Variants in GJC2 observed in about 807,000 individuals in gnomAD.
The protein encoded by GJC2 is gap junction protein gamma 2.
For synonymous variants in GJC2, 336 were observed against 307.5 expected (o/e 1.09, Z -0.97); for missense variants, 647 against 648.9 (o/e 1.00, Z 0.03).
intron 1 of GJC2, among the ~76,000 whole-genome samples, chr1:228,155,296 G>A (rs183378408): frequency 1.1e-4 from 16 of 152,348 alleles, no homozygotes; most frequent in South Asian, 4.1e-4. Flanking sequence ...GGAGCCAGGC[G>A]TGGAATGGGG....
chr1:228,154,388 T>A (rs1440440924), intron 1 of GJC2, among the ~76,000 whole-genome samples: 1 of 152,156 alleles, frequency 6.6e-6, no homozygotes, highest in African/African-American at 2.4e-5. Flanking sequence ...TTGGGAGGAA[T>A]ACCATGGAGT....
rs533052988 is a variant in GJC2, at chr1:228,153,153, G to A, written c.-20+3146G>A. ...CTGACAGCCTCATCCTGCAGCACTA[G>A]ACAGTGCCCACCTCAGCTTGTCCCG... On this transcript the variant is annotated intron_variant, in intron 1 of 1. Coordinates refer to ENST00000366714, the MANE Select transcript of GJC2 (RefSeq NM_020435.4). Among the ~76,000 whole-genome samples, 42 of 152,034 alleles carry A rather than the reference G, an allele frequency of 2.8e-4. No homozygotes were observed. The South Asian group carries it at 8.5e-3, about 31-fold the overall frequency.
In GJC2 at chr1:228,158,044, G is replaced by C. The variant is rs1328468298; in HGVS notation, c.286G>C (p.Gly96Arg). The change falls in exon 2 of 2, where the codon GGC becomes CGC. Residue 96 changes from glycine (G) to arginine (R), a missense_variant. Transcript: ENST00000366714. This position sits in a 1 kb window ranked among gnomAD's most constrained non-coding sequence, Gnocchi z 8.3. ...CTCCACGCCCTCGGTCATGTACCTG[G>C]GCTACGCCGTGCACCGCCTGGCCCG... ...VISTPSVMYL[G>R]YAVHRLARAS... is the part of the protein sequence containing the mutation. 1 of 1,609,092 alleles carries C rather than the reference G, an allele frequency of 6.2e-7. No homozygotes were observed. The highest frequency in any genetic ancestry group is 2.2e-5 in the East Asian group (1 of 44,842).
chr1:228,154,370 G>A (rs372035440), intron 1 of GJC2, among the ~76,000 whole-genome samples: 1 of 152,208 alleles, frequency 6.6e-6, no homozygotes, highest in South Asian at 2.1e-4. Context: ...TCTTCAGGGG[G>A]ATGGGTTTTG....
Position 228,159,349 on chromosome 1 carries a change from G to A in GJC2, c.*271G>A, listed in dbSNP as rs185037318. ...TGAACCCCAGGGGGAGTGGGGCATT[G>A]ACTCCACCCCTGTCCTGAGCTGGAA... On this transcript the variant is annotated 3_prime_UTR_variant, in exon 2 of 2. Coordinates refer to ENST00000366714, the MANE Select transcript of GJC2 (RefSeq NM_020435.4). This position sits in a 1 kb window ranked among gnomAD's most constrained non-coding sequence, Gnocchi z 4.0. 8.9e-4 allele frequency: 470 copies of A among 525,302 alleles called. 1 individual carries two copies. Among genetic ancestry groups the A allele is most frequent in the African/African-American group, 8.5e-3 (425 of 50,198 alleles). The allele number at this position is 525,302 out of a possible 1,614,324, so 32.5% of individuals were successfully genotyped here. A position where few individuals can be genotyped will look rare whatever the true frequency, so the allele number is the denominator to read the frequency against.
rs898143170 is a variant in GJC2 at position 228,158,220 on chromosome 1, G to A, written c.462G>A (p.Glu154=). The change falls in exon 2 of 2, where the codon GAG becomes GAA. Residue 154 remains glutamate (E), a synonymous_variant. Transcript: ENST00000366714. This position sits in a 1 kb window ranked among gnomAD's most constrained non-coding sequence, Gnocchi z 8.3. Reference sequence around the variant, plus strand: ...CCATGCTGGGCCTGGGCGAGGAGGAGGAGGAGGAGGAGACGGGGGCAGCCG... The same window carrying A: ...CCATGCTGGGCCTGGGCGAGGAGGAAGAGGAGGAGGAGACGGGGGCAGCCG... ...EEPMLGLGEE[E]EEEETGAAEG... 43 of 1,498,926 alleles carry A rather than the reference G, an allele frequency of 2.9e-5. No homozygotes were observed. The African/African-American group carries it at 5.3e-4, about 18-fold the overall frequency. 92.9% of individuals were successfully genotyped at this position (1,498,926 alleles called of 1,614,324 possible). A position where few individuals can be genotyped will look rare whatever the true frequency, so the allele number is the denominator to read the frequency against.
rs1249284098 is a variant in GJC2, at chr1:228,152,309, G to A, written c.-20+2302G>A. Among the ~76,000 whole-genome samples, 1 of 152,136 alleles carries A rather than the reference G, an allele frequency of 6.6e-6. No homozygotes were observed. The highest frequency in any genetic ancestry group is 1.5e-5 in the Non-Finnish European group (1 of 68,018). Reference sequence around the variant, plus strand: ...CCACCCTTCGCGGCCTGCCCTGGGAGGGCCTGGAGATGGAAGGAAATACCT... The same window carrying A: ...CCACCCTTCGCGGCCTGCCCTGGGAAGGCCTGGAGATGGAAGGAAATACCT... On this transcript the variant is annotated intron_variant, in intron 1 of 1. Transcript: ENST00000366714. This position sits in a 1 kb window ranked among gnomAD's most constrained non-coding sequence, Gnocchi z 7.3.
Position 228,159,087 on chromosome 1 carries a change from G to C in GJC2, c.*9G>C. ...CCACCGTGTGGATCTGAGGGCGCTG[G>C]CTTGCGAGCTGGGCCAGGGAGGAGG... is the stretch of plus-strand genomic sequence containing the variant. On this transcript the variant is annotated 3_prime_UTR_variant, in exon 2 of 2. Transcript: ENST00000366714. This position sits in a 1 kb window ranked among gnomAD's most constrained non-coding sequence, Gnocchi z 4.0. The C allele has an allele frequency of 6.2e-7, 1 of 1,609,360 alleles. No individual in the cohort carries two copies. The highest frequency in any genetic ancestry group is 8.5e-7 in the Non-Finnish European group (1 of 1,179,138).
intron 1 of GJC2, among the ~76,000 whole-genome samples, chr1:228,157,092 G>A (rs1379648033): frequency 6.6e-6 from 1 of 152,226 alleles, no homozygotes; most frequent in Admixed American, 6.5e-5. Context: ...CCGGGGGCTG[G>A]AGGGAGGATG....
intron 1 of GJC2, among the ~76,000 whole-genome samples, chr1:228,156,556 C>G (rs1196906188): frequency 1.3e-5 from 2 of 152,246 alleles, no homozygotes; most frequent in African/African-American, 4.8e-5. Flanking sequence ...CCCAGGAACC[C>G]TGACTGCCCC....
rs1211122898 is a variant in GJC2, at chr1:228,158,145, GC to G, written c.392del (p.Pro131ArgfsTer79). On this transcript the variant is annotated frameshift_variant, in exon 2 of 2. Transcript: ENST00000366714. LOFTEE classifies it low-confidence loss of function (END_TRUNC). This position sits in a 1 kb window ranked among gnomAD's most constrained non-coding sequence, Gnocchi z 8.3. ...GCCGCGCGCCCCGAGCGCACCTGCCGCCCCCGCACGCCGGCTGGCCTGAGCC... is the reference window on the plus strand; with the variant it reads ...GCCGCGCGCCCCGAGCGCACCTGCCGCCCCGCACGCCGGCTGGCCTGAGCC... ...PRRAPRAHLP[P>X]PHAGWPEPAD... 4.6e-6 allele frequency: 6 copies of G among 1,301,910 alleles called. No individual in the cohort carries two copies. The highest frequency in any genetic ancestry group is 5.8e-6 in the Non-Finnish European group (6 of 1,027,504). The allele number at this position is 1,301,910 out of a possible 1,614,324, so 80.6% of individuals were successfully genotyped here.
chr1:228,158,175 C>T lies in GJC2; in HGVS notation c.417C>T (p.Ala139=). 3 of 1,410,184 alleles carry T rather than the reference C, an allele frequency of 2.1e-6. No individual in the cohort carries two copies. The highest frequency in any genetic ancestry group is 1.8e-6 in the Non-Finnish European group (2 of 1,086,504). The allele number at this position is 1,410,184 out of a possible 1,614,324, so 87.4% of individuals were successfully genotyped here. ...CGCACGCCGGCTGGCCTGAGCCCGC[C>T]GACCTGGGCGAGGAGGAGCCCATGC... ...PPPHAGWPEP[A]DLGEEEPMLG... The change falls in exon 2 of 2, where the codon GCC becomes GCT. Residue 139 remains alanine (A), a synonymous_variant. Coordinates refer to ENST00000366714, the MANE Select transcript of GJC2 (RefSeq NM_020435.4). This position sits in a 1 kb window ranked among gnomAD's most constrained non-coding sequence, Gnocchi z 8.3.
rs775264492 is a variant in GJC2, at chr1:228,158,909, C to G, written c.1151C>G (p.Pro384Arg). Reference sequence around the variant, plus strand: ...GGCCTCCCTGCGGCCTCCCGGGGGCCCCCCAGAGCAGGCGCCCCCGCGTCC... The same window carrying G: ...GGCCTCCCTGCGGCCTCCCGGGGGCGCCCCAGAGCAGGCGCCCCCGCGTCC... ...CVGLPAASRGPPRAGAPASRT... is the reference protein window; with the variant it reads ...CVGLPAASRGRPRAGAPASRT... Residue 384 changes from proline to arginine, a missense_variant, in exon 2 of 2, where the codon CCC becomes CGC. Pro to Arg is a moderately radical substitution (Grantham distance 103, BLOSUM62 -2). Transcript: ENST00000366714. This position sits in a 1 kb window ranked among gnomAD's most constrained non-coding sequence, Gnocchi z 8.3. 1 of 1,491,854 alleles carries G rather than the reference C, an allele frequency of 6.7e-7. No individual in the cohort carries two copies. Among genetic ancestry groups the G allele is most frequent in the Admixed American group, 2.4e-5 (1 of 42,498 alleles). The allele number at this position is 1,491,854 out of a possible 1,614,324, so 92.4% of individuals were successfully genotyped here.
Position 228,157,741 on chromosome 1 carries a change from A to AGGCCCCCC in GJC2, c.-18_-17insGGCCCCCC. 5 of 354,470 alleles carry AGGCCCCCC rather than the reference A, an allele frequency of 1.4e-5. No homozygotes were observed. The highest frequency in any genetic ancestry group is 2.3e-5 in the Non-Finnish European group (4 of 177,092). 22.0% of individuals were successfully genotyped at this position (354,470 alleles called of 1,614,324 possible). A position where few individuals can be genotyped will look rare whatever the true frequency, so the allele number is the denominator to read the frequency against. The stretch of plus-strand genomic sequence containing the variant: ...GCTGACCCCTACCCCGCCCCACAGG[A>AGGCCCCCC]CCCGCCCGCCCGCCCCTATGACCAA... On this transcript the variant is annotated splice_region_variant and 5_prime_UTR_variant, in exon 2 of 2. Coordinates refer to ENST00000366714, the MANE Select transcript of GJC2 (RefSeq NM_020435.4).
At position 228,158,244 on chromosome 1, in the gene GJC2, C is replaced by G. The variant is rs1260532478; in HGVS notation, c.486C>G (p.Ala162=). 6.6e-7 allele frequency: 1 copy of G among 1,510,620 alleles called. No homozygotes were observed. Among genetic ancestry groups the G allele is most frequent in the Non-Finnish European group, 8.8e-7 (1 of 1,133,254 alleles). 93.6% of individuals were successfully genotyped at this position (1,510,620 alleles called of 1,614,324 possible). The change falls in exon 2 of 2, where the codon GCC becomes GCG. Residue 162 remains alanine (A), a synonymous_variant. Coordinates refer to ENST00000366714, the MANE Select transcript of GJC2 (RefSeq NM_020435.4). This position sits in a 1 kb window ranked among gnomAD's most constrained non-coding sequence, Gnocchi z 8.3. The part of the protein sequence containing the change: ...EEEEEEETGA[A]EGAGEEAEEA... Reference sequence around the variant, plus strand: ...AGGAGGAGGAGGAGACGGGGGCAGCCGAGGGCGCCGGCGAGGAAGCGGAGG... The same window carrying G: ...AGGAGGAGGAGGAGACGGGGGCAGCGGAGGGCGCCGGCGAGGAAGCGGAGG...
chr1:228,158,265 G>T lies in GJC2; in HGVS notation c.507G>T (p.Ala169=). ...CAGCCGAGGGCGCCGGCGAGGAAGC[G>T]GAGGAGGCAGGCGCGGAGGAGGCGT... ...TGAAEGAGEE[A]EEAGAEEACT... Residue 169 remains alanine, a synonymous_variant, in exon 2 of 2, where the codon GCG becomes GCT. Coordinates refer to ENST00000366714, the MANE Select transcript of GJC2 (RefSeq NM_020435.4). The surrounding 1 kb of genome is among the most constrained non-coding windows in gnomAD (Gnocchi z 8.3). 2.0e-6 allele frequency: 3 copies of T among 1,522,148 alleles called. No homozygotes were observed. Among genetic ancestry groups the T allele is most frequent in the Non-Finnish European group, 2.6e-6 (3 of 1,137,498 alleles). 94.3% of individuals were successfully genotyped at this position (1,522,148 alleles called of 1,614,324 possible).
At position 228,158,619 on chromosome 1, in the gene GJC2, C is replaced by T. The variant is rs2034722282; in HGVS notation, c.861C>T (p.Ala287=). The change falls in exon 2 of 2, where the codon GCC becomes GCT. Residue 287 remains alanine, a synonymous_variant. Coordinates refer to ENST00000366714, the MANE Select transcript of GJC2 (RefSeq NM_020435.4). The surrounding 1 kb of genome is among the most constrained non-coding windows in gnomAD (Gnocchi z 8.3). ...TGCTGCTCAACCTCTGTGAGATGGC[C>T]CACCTGGGCTTGGGCAGCGCGCAGG... ...LCLLLNLCEM[A]HLGLGSAQDA... The T allele has an allele frequency of 6.2e-7, 1 of 1,609,722 alleles. No individual in the cohort carries two copies. Among genetic ancestry groups the T allele is most frequent in the Non-Finnish European group, 8.5e-7 (1 of 1,178,504 alleles).
intron 1 of GJC2, among the ~76,000 whole-genome samples, chr1:228,154,881 C>A (rs2034661234): frequency 6.6e-6 from 1 of 152,226 alleles, no homozygotes; most frequent in Non-Finnish European, 1.5e-5. Context: ...TCTGCCAGTT[C>A]CCCACCAGGG....
chr1:228,153,803 G>A (rs1428604134), intron 1 of GJC2, among the ~76,000 whole-genome samples: 1 of 151,786 alleles, frequency 6.6e-6, no homozygotes, highest in Admixed American at 6.6e-5. Flanking sequence ...GGCTGGTCTT[G>A]AACTCCTGAC....
Sources: gnomAD v4.1 joint callset for allele counts (sites outside exome capture counted in the v4.1 genomes callset) on GRCh38, gnomAD v4.1.1 for gene constraint, Gnocchi (gnomAD v3.1) non-coding constraint, MANE v1.5 for transcripts, NCBI Gene and HGNC (gene_info 2026-07-23, HGNC 2026-07-21) for gene names.